Variants in SPATA6L observed in about 807,000 individuals in gnomAD.
SPATA6L encodes spermatogenesis associated 6 like.
Under a neutral mutation model 49.2 loss-of-function variants are expected in SPATA6L, and 68 were observed. That is an observed-to-expected ratio of 1.38 (90% CI 1.14 to 1.69). The LOEUF is 1.69. SPATA6L is among the 40% of genes most tolerant of loss of function. The probability of loss-of-function intolerance (pLI) is 0.00; values close to 1 mark genes in which losing one functional copy is unlikely to be tolerated. For synonymous variants in SPATA6L, 198 were observed against 165.7 expected (o/e 1.19, Z -1.50); for missense variants, 668 against 464.3 (o/e 1.44, Z -4.03).
At chr9:4,614,701 G>A (rs1827558247) in intron 9 of SPATA6L, among the ~76,000 whole-genome samples, 1 of 152,170 alleles carries the variant, frequency 6.6e-6, no homozygotes, top group African/African-American at 2.4e-5. Flanking sequence ...TTTTGGTACT[G>A]AAACCAGGAC....
chr9:4,612,556 C>G (rs1469374024), intron 9 of SPATA6L, among the ~76,000 whole-genome samples: 2 of 152,204 alleles, frequency 1.3e-5, no homozygotes, highest in African/African-American at 4.8e-5. Flanking sequence ...TAGAGGAGGT[C>G]AGCTGCTCTG....
intron 3 of SPATA6L, among the ~76,000 whole-genome samples, chr9:4,640,557 G>A (rs1205585005): frequency 6.6e-6 from 1 of 151,408 alleles, no homozygotes; most frequent in East Asian, 1.9e-4. Context: ...CAGTCCACAG[G>A]AAACTTTAAG....
At chr9:4,605,198 G>A in intron 10 of SPATA6L, 149 bp downstream of exon 10, 3 of 651,120 alleles carry the variant, frequency 4.6e-6, no homozygotes, top group East Asian at 5.5e-5. Context: ...TTCAATCTCA[G>A]GACAACAGGT....
chr9:4,660,040 T>G (rs1351600108), intron 2 of SPATA6L, among the ~76,000 whole-genome samples: 1 of 152,224 alleles, frequency 6.6e-6, no homozygotes, highest in African/African-American at 2.4e-5. Context: ...CAAGATGGAT[T>G]AAAGACTTAA....
chr9:4,601,297 G>T (rs184189516), intron 11 of SPATA6L, among the ~76,000 whole-genome samples: 14 of 151,664 alleles, frequency 9.2e-5, no homozygotes, highest in Admixed American at 3.9e-4. Flanking sequence ...TGCACACTGG[G>T]GGCCGGGATT....
chr9:4,589,216 A>C (rs1821747368), intron 13 of SPATA6L, among the ~76,000 whole-genome samples: 1 of 152,266 alleles, frequency 6.6e-6, no homozygotes, highest in East Asian at 1.9e-4. Context: ...GAGAAAATGC[A>C]TGTGATGCAT....
intron 7 of SPATA6L, among the ~76,000 whole-genome samples, chr9:4,621,529 C>T (rs147650319): frequency 2.3e-4 from 35 of 151,972 alleles, no homozygotes; most frequent in African/African-American, 7.7e-4. Flanking sequence ...ACTCTTGTTG[C>T]CCAGGCTGAA....
intron 3 of SPATA6L, among the ~76,000 whole-genome samples, chr9:4,648,495 C>A (rs923291866): frequency 2.7e-5 from 4 of 149,890 alleles, no homozygotes; most frequent in East Asian, 4.1e-4. Context: ...GTCAGGAGAT[C>A]GAGACCATCC....
At chr9:4,594,310 T>G (rs923305333), downstream of SPATA6L, among the ~76,000 whole-genome samples, 3 of 152,102 alleles carry the variant, frequency 2.0e-5, no homozygotes, top group Non-Finnish European at 4.4e-5. Context: ...CCCGGGTTCA[T>G]GCCATTCTCC....
intron 3 of SPATA6L, among the ~76,000 whole-genome samples, chr9:4,653,318 G>A (rs574387066): frequency 6.6e-6 from 1 of 152,268 alleles, no homozygotes; most frequent in South Asian, 2.1e-4. Flanking sequence ...GCAAAAGAAT[G>A]AAGTTGGTCC....
At chr9:4,665,781 CAT>C (rs759143101) in intron 1 of SPATA6L, among the ~76,000 whole-genome samples, 8 of 152,104 alleles carry the variant, frequency 5.3e-5, no homozygotes, top group Non-Finnish European at 1.0e-4. Flanking sequence ...GGGGAAATAT[CAT>C]AGAAAATATC....
chr9:4,607,070 G>A (rs1185794437), intron 9 of SPATA6L, among the ~76,000 whole-genome samples: 2 of 151,464 alleles, frequency 1.3e-5, no homozygotes, highest in Non-Finnish European at 2.9e-5. Flanking sequence ...TGAATGAAAT[G>A]AAGCGAGAAG....
chr9:4,636,282 T>C (rs1000878140), intron 3 of SPATA6L, among the ~76,000 whole-genome samples: 9 of 152,194 alleles, frequency 5.9e-5, no homozygotes, highest in East Asian at 1.9e-4. Context: ...TATTAACATA[T>C]ACATTTTATT....
At chr9:4,663,041 G>T in intron 1 of SPATA6L, 1 of 1,613,796 alleles carries the variant, frequency 6.2e-7, no homozygotes, top group Non-Finnish European at 8.5e-7. Context: ...CCCTGATGTC[G>T]AGGTTCATCC....
At chr9:4,655,536 GT>G (rs567987293) in intron 3 of SPATA6L, among the ~76,000 whole-genome samples, 4 of 150,158 alleles carry the variant, frequency 2.7e-5, no homozygotes, top group East Asian at 1.9e-4. Context: ...TCTATATTTA[GT>G]TTTTTTGTTT....
intron 13 of SPATA6L, among the ~76,000 whole-genome samples, chr9:4,589,615 G>A (rs1821775730): frequency 1.3e-5 from 2 of 152,190 alleles, no homozygotes. Context: ...CCTTTCCTAT[G>A]CCCTGAAACA....
chr9:4,663,264 C>T, intron 1 of SPATA6L: 2 of 1,610,462 alleles, frequency 1.2e-6, no homozygotes, highest in Non-Finnish European at 1.7e-6. Context: ...TCAACGATGA[C>T]ACCATCTCAT....
At chr9:4,611,442 T>G (rs1826685140) in intron 9 of SPATA6L, among the ~76,000 whole-genome samples, 1 of 149,304 alleles carries the variant, frequency 6.7e-6, no homozygotes, top group Non-Finnish European at 1.5e-5. Flanking sequence ...ATGTGGCACA[T>G]ATATACCACG....
chr9:4,646,123 T>TATACAC (rs1554733070), intron 3 of SPATA6L, among the ~76,000 whole-genome samples: 2 of 149,414 alleles, frequency 1.3e-5, no homozygotes, highest in Non-Finnish European at 3.0e-5. Flanking sequence ...CTTAGGGTTT[T>TATACAC]ACACACACAC....
Sources: allele counts gnomAD v4.1 joint callset (sites outside exome capture counted in the v4.1 genomes callset), GRCh38; gene constraint gnomAD v4.1.1; transcripts MANE v1.5; gene names NCBI Gene and HGNC (gene_info 2026-07-23, HGNC 2026-07-21).